Variants in CDH13 observed in about 807,000 individuals in gnomAD.
CDH13 encodes cadherin 13, also known as cadherin-13.
Under a neutral mutation model 63.8 loss-of-function variants are expected in CDH13, and 24 were observed. The observed-to-expected ratio is 0.38, with a 90% CI of 0.27 to 0.53. CDH13 has a LOEUF of 0.53. CDH13 is among the 20% of genes least tolerant of loss of function. The pLI is 0.85. For missense variants in CDH13, 1,049 were observed against 903.1 expected (o/e 1.16, Z -2.07); for synonymous variants, 503 against 355.3 (o/e 1.42, Z -4.67).
chr16:83,587,664 T>C (rs1906300517), intron 7 of CDH13, among the ~76,000 whole-genome samples: 1 of 152,218 alleles, frequency 6.6e-6, no homozygotes, highest in Non-Finnish European at 1.5e-5. Flanking sequence ...AAGATTCATT[T>C]AGATTCCACA....
chr16:82,804,969 G>C (rs2037071730), intron 1 of CDH13, among the ~76,000 whole-genome samples: 1 of 152,042 alleles, frequency 6.6e-6, no homozygotes, highest in African/African-American at 2.4e-5. Flanking sequence ...TATCTACTTA[G>C]CAGATGTTCA....
intron 1 of CDH13, among the ~76,000 whole-genome samples, chr16:82,710,552 A>AAAAAATAT (rs60196638): frequency 1.3e-4 from 8 of 63,764 alleles, no homozygotes; most frequent in Non-Finnish European, 1.5e-4. Context: ...AAAAAAAAAA[A>AAAAAATAT]ATATATATAT....
chr16:83,524,508 A>G (rs964719949), intron 7 of CDH13, among the ~76,000 whole-genome samples: 2 of 120,070 alleles, frequency 1.7e-5, no homozygotes, highest in Non-Finnish European at 3.2e-5. Flanking sequence ...GCTGGACTGC[A>G]GTGGCGCGCT....
intron 6 of CDH13, among the ~76,000 whole-genome samples, chr16:83,346,524 G>A (rs113334191): frequency 0.029 from 4,407 of 152,252 alleles, 91 homozygotes; most frequent in Non-Finnish European, 0.045. Flanking sequence ...ATTCAGATGG[G>A]CTGGGAAAGT....
intron 10 of CDH13, among the ~76,000 whole-genome samples, chr16:83,698,405 G>C (rs1905709165): frequency 6.6e-6 from 1 of 152,192 alleles, no homozygotes; most frequent in Non-Finnish European, 1.5e-5. Context: ...CTTTCTCCCA[G>C]TGTCACTGAC....
At chr16:83,692,167 T>A (rs1009324196) in intron 10 of CDH13, among the ~76,000 whole-genome samples, 2 of 152,212 alleles carry the variant, frequency 1.3e-5, no homozygotes, top group African/African-American at 2.4e-5. Flanking sequence ...TCTCTCCAAC[T>A]TCTGTTTTTC....
intron 1 of CDH13, among the ~76,000 whole-genome samples, chr16:82,739,016 G>C (rs2151049969): frequency 6.6e-6 from 1 of 152,292 alleles, no homozygotes; most frequent in African/African-American, 2.4e-5. Context: ...CAGTGAGCAA[G>C]ATACGTTTTT....
chr16:83,526,238 G>C (rs2074956525), intron 7 of CDH13, among the ~76,000 whole-genome samples: 1 of 152,106 alleles, frequency 6.6e-6, no homozygotes, highest in South Asian at 2.1e-4. Flanking sequence ...TTATTGTTTT[G>C]TTTTGTTTTT....
intron 5 of CDH13, among the ~76,000 whole-genome samples, chr16:83,280,043 A>C (rs2089118514): frequency 6.6e-6 from 1 of 152,206 alleles, no homozygotes; most frequent in Non-Finnish European, 1.5e-5. Flanking sequence ...CAGATTGATC[A>C]GGGTGGTGGT....
At chr16:83,630,320 A>G (rs146429988) in intron 8 of CDH13, among the ~76,000 whole-genome samples, 1 of 152,284 alleles carries the variant, frequency 6.6e-6, no homozygotes, top group East Asian at 1.9e-4. Flanking sequence ...TAGAACGTTT[A>G]TTTTGCCAAG....
chr16:83,272,934 A>G (rs1015527599), intron 5 of CDH13, among the ~76,000 whole-genome samples: 1 of 152,136 alleles, frequency 6.6e-6, no homozygotes, highest in African/African-American at 2.4e-5. Context: ...TTCCATTTCC[A>G]TTTCTAATTG....
At chr16:83,296,821 G>A (rs982236519) in intron 5 of CDH13, among the ~76,000 whole-genome samples, 3 of 152,186 alleles carry the variant, frequency 2.0e-5, no homozygotes, top group African/African-American at 7.2e-5. Context: ...TTTATGTAAT[G>A]TACATGGGTA....
At chr16:83,240,841 T>A (rs575321225) in intron 5 of CDH13, among the ~76,000 whole-genome samples, 2 of 148,758 alleles carry the variant, frequency 1.3e-5, no homozygotes, top group South Asian at 4.5e-4. Flanking sequence ...GGCCTACAGG[T>A]GTGGACCTCT....
Position 83,102,634 on chromosome 16 carries a change from C to T in CDH13, c.367-22751C>T, listed in dbSNP as rs1025041670. On this transcript the variant is annotated intron_variant, in intron 3 of 13. Transcript: ENST00000567109. ...CACCCAGTTCACGTTTCAACAGGAC[C>T]GCTCTGGCCACCCTGGGGGAGGGTG... Among the ~76,000 whole-genome samples, 9 of 152,184 alleles carry T rather than the reference C, an allele frequency of 5.9e-5. No homozygotes were observed. The South Asian group carries it at 8.3e-4, about 14-fold the overall frequency.
At chr16:82,806,436 A>G (rs1226579611) in intron 1 of CDH13, among the ~76,000 whole-genome samples, 1 of 152,208 alleles carries the variant, frequency 6.6e-6, no homozygotes, top group African/African-American at 2.4e-5. Flanking sequence ...GTGGGTTCTT[A>G]CAAAACAAAA....
At chr16:82,947,004 C>G (rs1294405843) in intron 2 of CDH13, among the ~76,000 whole-genome samples, 5 of 134,918 alleles carry the variant, frequency 3.7e-5, no homozygotes, top group Admixed American at 7.3e-5. Flanking sequence ...GTGCGCACGC[C>G]TGTGTGTGTG....
chr16:83,192,294 G>A (rs555624979), intron 4 of CDH13, among the ~76,000 whole-genome samples: 35 of 152,292 alleles, frequency 2.3e-4, no homozygotes, highest in African/African-American at 8.4e-4. Context: ...ACTACGTAGT[G>A]TCTGTTGTGT....
intron 7 of CDH13, among the ~76,000 whole-genome samples, chr16:83,512,620 A>G (rs1337003596): frequency 1.3e-5 from 2 of 150,860 alleles, no homozygotes; most frequent in Non-Finnish European, 3.0e-5. Flanking sequence ...GTGAGCTGAG[A>G]TCATGCCACT....
chr16:82,840,146 G>A (rs1401564116), intron 1 of CDH13, among the ~76,000 whole-genome samples: 1 of 152,102 alleles, frequency 6.6e-6, no homozygotes, highest in Non-Finnish European at 1.5e-5. Flanking sequence ...ACGCTATAAT[G>A]ATAATAGGAG....
Sources: gnomAD v4.1 joint callset for allele counts (sites outside exome capture counted in the v4.1 genomes callset) on GRCh38, gnomAD v4.1.1 for gene constraint, MANE v1.5 for transcripts, NCBI Gene and HGNC (gene_info 2026-07-23, HGNC 2026-07-21) for gene names.